Variants in ATF7IP2 observed in about 807,000 individuals in gnomAD.
ATF7IP2 encodes activating transcription factor 7-interacting protein 2.
Under a neutral mutation model 64.2 loss-of-function variants are expected in ATF7IP2, and 42 were observed. That is an observed-to-expected ratio of 0.65 (90% CI 0.51 to 0.85). The LOEUF is 0.85. Among genes scored for constraint, ATF7IP2 ranks in the 40% least tolerant of loss-of-function variants. ATF7IP2 has a pLI of 0.00. For synonymous variants in ATF7IP2, 308 were observed against 272.8 expected, an observed-to-expected ratio of 1.13 and a Z score of -1.27; for missense variants, 933 against 784.2, an observed-to-expected ratio of 1.19 and a Z score of -2.27.
At chr16:10,475,722 G>GAAAAAAAAAAAAAAAAAAAAAA (rs386384218) in intron 12 of ATF7IP2, among the ~76,000 whole-genome samples, 11 of 41,632 alleles carry the variant, frequency 2.6e-4, no homozygotes, top group African/African-American at 3.6e-4. Context: ...TAAGAAGCCA[G>GAAAAAAAAAAAAAAAAAAAAAA]AAAAAAAAAA....
At chr16:10,458,596 T>G (rs976130615) in intron 9 of ATF7IP2, among the ~76,000 whole-genome samples, 3 of 152,246 alleles carry the variant, frequency 2.0e-5, no homozygotes, top group African/African-American at 7.2e-5. Context: ...AACTTGATTC[T>G]GATGGCTTTA....
rs747098247 is a variant in ATF7IP2, at chr16:10,481,941, C to G, written c.1741C>G (p.Leu581Val). The G allele has an allele frequency of 3.7e-6, 6 of 1,614,148 alleles. No individual in the cohort carries two copies. Among genetic ancestry groups the G allele is most frequent in the Non-Finnish European group, 5.1e-6 (6 of 1,179,996 alleles). ...RDTLPPQKPE[L>V]KVKRVFRPNG... is the part of the protein sequence containing the mutation. ...CACACTTCCTCCCCAGAAGCCTGAG[C>G]TCAAAGTGAAACGGGTTTTCAGACC... Residue 581 changes from leucine (L) to valine (V), a missense_variant, in exon 14 of 14, where the codon CTC becomes GTC. By Grantham distance (32) the Leu-to-Val change is conservative. Coordinates refer to ENST00000562102, the MANE Select transcript of ATF7IP2 (RefSeq NM_001393719.1).
intron 1 of ATF7IP2, among the ~76,000 whole-genome samples, chr16:10,390,385 T>C (rs1305988850): frequency 6.6e-6 from 1 of 152,234 alleles, no homozygotes; most frequent in Non-Finnish European, 1.5e-5. Context: ...TCTTAGAGAA[T>C]ATTGGATAAA....
At chr16:10,413,109 C>G (rs1205862977) in intron 1 of ATF7IP2, among the ~76,000 whole-genome samples, 1 of 152,124 alleles carries the variant, frequency 6.6e-6, no homozygotes, top group African/African-American at 2.4e-5. Flanking sequence ...GAATTCGTAT[C>G]CATTCTGCAA....
intron 1 of ATF7IP2, among the ~76,000 whole-genome samples, chr16:10,405,019 AAGT>A (rs2047607558): frequency 6.6e-6 from 1 of 152,166 alleles, no homozygotes; most frequent in South Asian, 2.1e-4. Context: ...CATCACCAGT[AAGT>A]AGACCCTCCC....
At chr16:10,420,178 A>G (rs975669107) in intron 3 of ATF7IP2, among the ~76,000 whole-genome samples, 2 of 152,210 alleles carry the variant, frequency 1.3e-5, no homozygotes, top group African/African-American at 4.8e-5. Flanking sequence ...GTTAGTATAT[A>G]TAGCCTGGGG....
At chr16:10,475,722 G>GAAAAAA (rs386384218) in intron 12 of ATF7IP2, among the ~76,000 whole-genome samples, 8 of 41,640 alleles carry the variant, frequency 1.9e-4, no homozygotes, top group Admixed American at 3.0e-4. Context: ...TAAGAAGCCA[G>GAAAAAA]AAAAAAAAAA....
intron 9 of ATF7IP2, among the ~76,000 whole-genome samples, chr16:10,469,224 C>T (rs2049697108): frequency 6.6e-6 from 1 of 151,804 alleles, no homozygotes; most frequent in African/African-American, 2.4e-5. Context: ...GAGCTATTGC[C>T]AATATATCAG....
Position 10,440,426 on chromosome 16 carries a change from G to A in ATF7IP2, c.1158G>A (p.Leu386=). Residue 386 remains leucine (L), a synonymous_variant, in exon 8 of 14, where the codon TTG becomes TTA. Transcript: ENST00000562102. Reference sequence around the variant, plus strand: ...TATTATTATTTCAAAGGAATTGTTTGAAACCAAACATGTTATCCAGTAATG... The same window carrying A: ...TATTATTATTTCAAAGGAATTGTTTAAAACCAAACATGTTATCCAGTAATG... ...KTVLLFQRNC[L]KPNMLSSNGA... The A allele has an allele frequency of 6.4e-7, 1 of 1,566,704 alleles. No individual in the cohort carries two copies. Among genetic ancestry groups the A allele is most frequent in the Non-Finnish European group, 8.6e-7 (1 of 1,160,946 alleles).
chr16:10,424,623 A>G (rs1171798303), intron 3 of ATF7IP2, among the ~76,000 whole-genome samples: 2 of 152,156 alleles, frequency 1.3e-5, no homozygotes, highest in Non-Finnish European at 2.9e-5. Context: ...TATATAAGGA[A>G]CTCTTACAAG....
intron 12 of ATF7IP2, among the ~76,000 whole-genome samples, chr16:10,477,668 G>T (rs1373039261): frequency 6.6e-6 from 1 of 151,680 alleles, no homozygotes; most frequent in East Asian, 1.9e-4. Context: ...GCAGGAGAAG[G>T]AAATAAAGGG....
chr16:10,431,140 T>G lies in ATF7IP2; in HGVS notation c.520T>G (p.Leu174Val). The G allele has an allele frequency of 6.2e-7, 1 of 1,614,158 alleles. No homozygotes were observed. The highest frequency in any genetic ancestry group is 1.1e-5 in the South Asian group (1 of 91,088). The stretch of plus-strand genomic sequence containing the variant: ...GTCCAGTTGCTGTCCACCCAGTGTA[T>G]TGAGTGGTGTTGTTCAGATGCCAGA... ...LKSSCCPPSV[L>V]SGVVQMPEST... is the part of the protein sequence containing the mutation. Residue 174 changes from leucine (L) to valine (V), a missense_variant, in exon 5 of 14, where the codon TTG becomes GTG. By Grantham distance (32) the Leu-to-Val change is conservative. Coordinates refer to ENST00000562102, the MANE Select transcript of ATF7IP2 (RefSeq NM_001393719.1).
chr16:10,412,024 T>TTTTTTTTTTTTTTTTTTTTTTTTTA, intron 1 of ATF7IP2, among the ~76,000 whole-genome samples: 1 of 145,376 alleles, frequency 6.9e-6, no homozygotes, highest in Non-Finnish European at 1.5e-5. Flanking sequence ...TTTTTTTTTT[T>TTTTTTTTTTTTTTTTTTTTTTTTTA]TTTTTTTTTT....
chr16:10,409,653 C>T (rs1305844703), intron 1 of ATF7IP2, among the ~76,000 whole-genome samples: 1 of 152,192 alleles, frequency 6.6e-6, no homozygotes, highest in Non-Finnish European at 1.5e-5. Context: ...TCTCGATCTC[C>T]TGACCTCATG....
At chr16:10,387,160 G>A (rs921201223) in intron 1 of ATF7IP2, 1 of 152,086 alleles carries the variant, frequency 6.6e-6, no homozygotes, top group Non-Finnish European at 1.5e-5. Context: ...AATGACCTGC[G>A]ACATAACTAT....
At chr16:10,387,396 A>G (rs2047223578) in intron 1 of ATF7IP2, 1 of 152,238 alleles carries the variant, frequency 6.6e-6, no homozygotes. Context: ...GCAGATATGT[A>G]CAGACCACAT....
At chr16:10,436,460 A>G (rs889669426) in intron 6 of ATF7IP2, among the ~76,000 whole-genome samples, 4 of 152,274 alleles carry the variant, frequency 2.6e-5, no homozygotes, top group Non-Finnish European at 5.9e-5. Flanking sequence ...TGAAAGTAAA[A>G]ATGACAATCA....
intron 3 of ATF7IP2, among the ~76,000 whole-genome samples, chr16:10,427,032 T>G (rs985905116): frequency 8.5e-5 from 13 of 152,142 alleles, no homozygotes; most frequent in African/African-American, 2.9e-4. Flanking sequence ...TTTGTAGTTT[T>G]TAGTACAGAC....
chr16:10,473,503 A>G lies in ATF7IP2; in HGVS notation c.1451A>G (p.Asn484Ser), dbSNP rs761792550. Reference protein sequence around the residue: ...PTDTRKITSGNSSNSPNAEVM... With the variant: ...PTDTRKITSGSSSNSPNAEVM... The stretch of plus-strand genomic sequence containing the variant: ...GATACCAGAAAAATTACATCAGGAA[A>G]TTCTAGCAATTCTCCCAATGCTGAA... The change falls in exon 11 of 14, where the codon AAT (asparagine) becomes AGT (serine). Residue 484 changes from asparagine to serine, a missense_variant. Physicochemically the swap from Asn to Ser is conservative, Grantham distance 46. Transcript: ENST00000562102. The G allele has an allele frequency of 7.3e-5, 114 of 1,570,884 alleles. No individual in the cohort carries two copies. Among genetic ancestry groups the G allele is most frequent in the Non-Finnish European group, 9.3e-5 (106 of 1,145,644 alleles).
Sources: gnomAD v4.1 joint callset for allele counts (sites outside exome capture counted in the v4.1 genomes callset) on GRCh38, gnomAD v4.1.1 for gene constraint, MANE v1.5 for transcripts, NCBI Gene and HGNC (gene_info 2026-07-23, HGNC 2026-07-21) for gene names.